Variants in LRP1B observed in about 807,000 individuals in gnomAD.
The protein encoded by LRP1B is low-density lipoprotein receptor-related protein 1B.
In LRP1B, 217 loss-of-function variants were observed where a neutral mutation model predicts 556.6. The observed-to-expected ratio is 0.39, with a 90% CI of 0.35 to 0.44. LRP1B has a LOEUF of 0.44. Ranked by LOEUF, LRP1B falls within the 20% of genes least tolerant of loss-of-function variation. The pLI is 1.00. For synonymous variants in LRP1B, 2,047 were observed against 1,865.8 expected (o/e 1.10, Z -2.50); for missense variants, 5,053 against 5,620.8 (o/e 0.90, Z 3.23).
At chr2:140,302,749 C>T (rs1160726022) in intron 83 of LRP1B, among the ~76,000 whole-genome samples, 1 of 152,012 alleles carries the variant, frequency 6.6e-6, no homozygotes, top group Non-Finnish European at 1.5e-5. Context: ...CCATCTTCTC[C>T]TGGCTGAGGA....
chr2:141,443,694 C>G (rs980489792), intron 3 of LRP1B, among the ~76,000 whole-genome samples: 6 of 151,978 alleles, frequency 3.9e-5, no homozygotes, highest in African/African-American at 1.5e-4. Flanking sequence ...GAATCCTTTC[C>G]CCATTGCTTG....
At chr2:140,962,876 C>A (rs537911471) in intron 18 of LRP1B, among the ~76,000 whole-genome samples, 1 of 152,274 alleles carries the variant, frequency 6.6e-6, no homozygotes, top group East Asian at 1.9e-4. Context: ...AGAGAAAATG[C>A]TGCTATGGCT....
intron 83 of LRP1B, among the ~76,000 whole-genome samples, chr2:140,304,674 T>C (rs1302669785): frequency 6.6e-6 from 1 of 152,216 alleles, no homozygotes; most frequent in Non-Finnish European, 1.5e-5. Context: ...ATCCCGTTTG[T>C]CAATTCTGGC....
intron 55 of LRP1B, among the ~76,000 whole-genome samples, chr2:140,496,081 T>C (rs1688914933): frequency 6.6e-6 from 1 of 152,190 alleles, no homozygotes; most frequent in Admixed American, 6.5e-5. Flanking sequence ...TTGCATTACA[T>C]TGTCTTTTTA....
At chr2:141,566,379 A>G (rs918286276) in intron 2 of LRP1B, among the ~76,000 whole-genome samples, 1 of 152,188 alleles carries the variant, frequency 6.6e-6, no homozygotes, top group East Asian at 1.9e-4. Context: ...AAGTAGAAAT[A>G]GTGACTTTAT....
intron 2 of LRP1B, among the ~76,000 whole-genome samples, chr2:141,519,402 TGAA>T (rs150448798): frequency 0.025 from 752 of 29,574 alleles, 35 homozygotes; most frequent in South Asian, 0.068. Flanking sequence ...TATATATATA[TGAA>T]ATGCAATATT....
chr2:140,642,363 C>T (rs1452718318), intron 41 of LRP1B, among the ~76,000 whole-genome samples: 1 of 152,096 alleles, frequency 6.6e-6, no homozygotes, highest in Non-Finnish European at 1.5e-5. Flanking sequence ...TTTGGTGAGC[C>T]CCATCTGAAC....
chr2:140,437,124 G>A (rs1225168258), intron 66 of LRP1B, among the ~76,000 whole-genome samples: 3 of 152,080 alleles, frequency 2.0e-5, no homozygotes, highest in Admixed American at 1.3e-4. Context: ...TGAAGAGAGC[G>A]AAACCCACAG....
intron 7 of LRP1B, among the ~76,000 whole-genome samples, chr2:141,094,377 A>G (rs1295979969): frequency 1.3e-5 from 2 of 152,214 alleles, no homozygotes; most frequent in Non-Finnish European, 2.9e-5. Context: ...TTTATTAAAT[A>G]AAATGTTTAA....
chr2:140,457,438 T>C, intron 61 of LRP1B, 25 bp downstream of exon 61: 2 of 1,547,386 alleles, frequency 1.3e-6, no homozygotes, highest in Admixed American at 1.7e-5. Flanking sequence ...AATGCATTTA[T>C]GGAAATCATG....
rs564226673 is a variant in LRP1B, at chr2:141,232,521, C to A, written c.593-3081G>T. On this transcript the variant is annotated intron_variant, in intron 5 of 90. Transcript: ENST00000389484. Reference sequence around the variant, plus strand: ...GAAGAGAGGCCGGAATATAAAGGAGCGCTGAGATTCCCCTGAGAAACTGAG... The same window carrying A: ...GAAGAGAGGCCGGAATATAAAGGAGAGCTGAGATTCCCCTGAGAAACTGAG... 5.9e-4 allele frequency among the ~76,000 whole-genome samples: 90 copies of A among 152,234 alleles called. No homozygotes were observed. In the Middle Eastern group the frequency reaches 0.01, roughly 17 times the overall value.
At chr2:141,910,642 TA>T (rs1699885398) in intron 1 of LRP1B, among the ~76,000 whole-genome samples, 1 of 152,056 alleles carries the variant, frequency 6.6e-6, no homozygotes, top group Admixed American at 6.6e-5. Flanking sequence ...CAAATATAAT[TA>T]TATAGTTTAT....
chr2:140,668,242 G>A (rs1327414122), intron 41 of LRP1B, among the ~76,000 whole-genome samples: 4 of 132,180 alleles, frequency 3.0e-5, no homozygotes, highest in African/African-American at 1.1e-4. Context: ...CCCGGGAGGC[G>A]GTGCTTACAG....
chr2:141,062,580 C>A (rs1699365791), intron 7 of LRP1B, among the ~76,000 whole-genome samples: 2 of 151,768 alleles, frequency 1.3e-5, no homozygotes, highest in African/African-American at 2.4e-5. Context: ...GCACATCAAC[C>A]ACATTCAGTG....
At chr2:140,824,514 A>C (rs1014263761) in intron 31 of LRP1B, among the ~76,000 whole-genome samples, 2 of 152,126 alleles carry the variant, frequency 1.3e-5, no homozygotes, top group African/African-American at 2.4e-5. Context: ...ACAGGGTTAG[A>C]CAGGATAAGC....
chr2:140,498,223 G>T (rs1452909778), intron 55 of LRP1B, among the ~76,000 whole-genome samples: 1 of 151,690 alleles, frequency 6.6e-6, no homozygotes, highest in Admixed American at 6.6e-5. Context: ...AAATTATTTA[G>T]AATCTTCTTG....
rs201958026 is a variant in LRP1B at position 141,364,037 on chromosome 2, CTA to C, written c.344-109398_344-109397del. On this transcript the variant is annotated intron_variant, in intron 3 of 90. Transcript: ENST00000389484. The stretch of plus-strand genomic sequence containing the variant: ...TGATTTTCTCCTCCATATCATACTT[CTA>C]TCTCATCCAGCATTCAGTCCTTATC... Among the ~76,000 whole-genome samples the C allele has an allele frequency of 2.6e-3, 392 of 152,234 alleles. 1 individual carries two copies. The highest frequency in any genetic ancestry group is 9.0e-3 in the African/African-American group (372 of 41,564).
intron 1 of LRP1B, among the ~76,000 whole-genome samples, chr2:142,129,723 C>T (rs1431858524): frequency 6.6e-6 from 1 of 151,688 alleles, no homozygotes; most frequent in Non-Finnish European, 1.5e-5. Flanking sequence ...TTACTTTAAC[C>T]AGTTAACCAT....
chr2:142,070,179 G>A (rs1292920437), intron 1 of LRP1B, among the ~76,000 whole-genome samples: 1 of 151,640 alleles, frequency 6.6e-6, no homozygotes, highest in Non-Finnish European at 1.5e-5. Flanking sequence ...AAACGGTCCA[G>A]AGCAAGTAGA....
Sources: allele counts gnomAD v4.1 joint callset (sites outside exome capture counted in the v4.1 genomes callset), GRCh38; gene constraint gnomAD v4.1.1; transcripts MANE v1.5; gene names NCBI Gene and HGNC (gene_info 2026-07-23, HGNC 2026-07-21).